Variants in WIPF1 observed in about 807,000 individuals in gnomAD.
WIPF1 encodes the protein WAS/WASL-interacting protein family member 1.
WIPF1 carries 13 observed loss-of-function variants against 35.4 expected under a neutral mutation model. The ratio of observed to expected loss-of-function variants is 0.37; its 90% confidence interval spans 0.24 to 0.58. WIPF1 has a LOEUF of 0.58. Among genes scored for constraint, WIPF1 ranks in the 20% least tolerant of loss-of-function variants. The probability of loss-of-function intolerance (pLI) is 0.74; values close to 1 mark genes in which losing one functional copy is unlikely to be tolerated. For missense variants in WIPF1, 591 were observed against 667.0 expected (o/e 0.89, Z 1.25); for synonymous variants, 267 against 266.3 (o/e 1.00, Z -0.02).
intron 1 of WIPF1, among the ~76,000 whole-genome samples, chr2:174,675,626 T>C (rs886909609): frequency 6.6e-6 from 1 of 152,182 alleles, no homozygotes; most frequent in Admixed American, 6.5e-5. Context: ...AGTGCTGGGA[T>C]TACAGGTGTG....
At chr2:174,609,610 T>C (rs1397279986) in intron 1 of WIPF1, among the ~76,000 whole-genome samples, 4 of 152,260 alleles carry the variant, frequency 2.6e-5, no homozygotes, top group Non-Finnish European at 4.4e-5. Context: ...TTCATTTCTC[T>C]TTTAAATTAA....
Position 174,590,882 on chromosome 2 carries a change from A to G in WIPF1, c.-38-5271T>C, listed in dbSNP as rs1166483082. 6.6e-6 allele frequency among the ~76,000 whole-genome samples: 1 copy of G among 152,258 alleles called. No homozygotes were observed. The highest frequency in any genetic ancestry group is 2.4e-5 in the African/African-American group (1 of 41,476). On this transcript the variant is annotated intron_variant, in intron 1 of 7. Coordinates refer to ENST00000679041, the MANE Select transcript of WIPF1 (RefSeq NM_001375834.1). This position sits in a 1 kb window ranked among gnomAD's most constrained non-coding sequence, Gnocchi z 4.6. ...TGGTGTGTTGACTTCTACAAACACAAAGAAAACTCAAGGGACAGAAAAGGC... is the reference window on the plus strand; with the variant it reads ...TGGTGTGTTGACTTCTACAAACACAGAGAAAACTCAAGGGACAGAAAAGGC...
chr2:174,608,089 G>C lies in WIPF1; in HGVS notation c.-38-22478C>G, dbSNP rs75890984. 3.9e-5 allele frequency among the ~76,000 whole-genome samples: 6 copies of C among 152,296 alleles called. No homozygotes were observed. The East Asian group carries it at 7.7e-4, about 20-fold the overall frequency. ...CCATTTAAAAAGACAATAATGGGGG[G>C]CCCTGCCAACAGATTTAACGACTCT... On this transcript the variant is annotated intron_variant, in intron 1 of 8. Transcript: ENST00000272746.
At chr2:174,564,648 C>G (rs1684588958) in intron 7 of WIPF1, among the ~76,000 whole-genome samples, 1 of 151,870 alleles carries the variant, frequency 6.6e-6, no homozygotes, top group East Asian at 1.9e-4. Context: ...GGAAGATGGT[C>G]TATTACCAAT....
At position 174,571,348 on chromosome 2, in the gene WIPF1, CTA is replaced by C; in HGVS notation, c.1129+326_1129+327del. ...CCAATTAAGACCGCCGAAATTCTCT[CTA>C]GGGAGGCAGGGTAGTGGACTGGCAA... On this transcript the variant is annotated intron_variant, in intron 5 of 7. Coordinates refer to ENST00000679041, the MANE Select transcript of WIPF1 (RefSeq NM_001375834.1). This position sits in a 1 kb window ranked among gnomAD's most constrained non-coding sequence, Gnocchi z 4.6. 1.8e-6 allele frequency: 1 copy of C among 548,266 alleles called. No individual in the cohort carries two copies. Among genetic ancestry groups the C allele is most frequent in the East Asian group, 3.2e-5 (1 of 31,648 alleles). The allele number at this position is 548,266 out of a possible 1,614,324, so 34.0% of individuals were successfully genotyped here.
chr2:174,579,627 G>C (rs1035398456), intron 3 of WIPF1, among the ~76,000 whole-genome samples: 6 of 152,242 alleles, frequency 3.9e-5, no homozygotes, highest in Non-Finnish European at 5.9e-5. Context: ...TCATGGAAGA[G>C]AGAAGGACTA....
intron 1 of WIPF1, among the ~76,000 whole-genome samples, chr2:174,645,752 T>G (rs1047844531): frequency 6.6e-6 from 1 of 152,230 alleles, no homozygotes; most frequent in African/African-American, 2.4e-5. Flanking sequence ...CCCTACCTAG[T>G]GGGGTTATTC....
intron 1 of WIPF1, among the ~76,000 whole-genome samples, chr2:174,609,090 G>A (rs1386399511): frequency 6.6e-6 from 1 of 152,162 alleles, no homozygotes; most frequent in African/African-American, 2.4e-5. Flanking sequence ...CTCTGCAGGT[G>A]GACAGTAAAT....
intron 1 of WIPF1, among the ~76,000 whole-genome samples, chr2:174,645,469 C>T (rs766012884): frequency 5.3e-5 from 8 of 152,156 alleles, no homozygotes; most frequent in Non-Finnish European, 1.0e-4. Flanking sequence ...TTACAATGTA[C>T]GTCAAATGGT....
chr2:174,682,335 A>T (rs1251584873), intron 1 of WIPF1, among the ~76,000 whole-genome samples: 1 of 152,094 alleles, frequency 6.6e-6, no homozygotes, highest in East Asian at 1.9e-4. Flanking sequence ...AGCCGGCCCC[A>T]GGGGATGCCC....
intron 1 of WIPF1, among the ~76,000 whole-genome samples, chr2:174,678,940 G>A (rs764000531): frequency 2.6e-5 from 4 of 152,208 alleles, no homozygotes; most frequent in Admixed American, 6.5e-5. Context: ...AATTTACATC[G>A]AAAGCAGTTC....
chr2:174,605,681 T>C (rs1686138052), intron 1 of WIPF1, among the ~76,000 whole-genome samples: 1 of 152,126 alleles, frequency 6.6e-6, no homozygotes, highest in African/African-American at 2.4e-5. Flanking sequence ...CCTGGGCTTG[T>C]TTCCAAAGTA....
intron 1 of WIPF1, among the ~76,000 whole-genome samples, chr2:174,605,004 T>C (rs142803620): frequency 2.6e-5 from 4 of 152,108 alleles, no homozygotes; most frequent in East Asian, 1.9e-4. Context: ...TGGGGCTGAA[T>C]TGGTAGTATG....
chr2:174,613,631 A>G (rs1398463286), intron 1 of WIPF1, among the ~76,000 whole-genome samples: 1 of 152,178 alleles, frequency 6.6e-6, no homozygotes, highest in Admixed American at 6.5e-5. Flanking sequence ...ACTCAACAAC[A>G]TTAGCTACTA....
At chr2:174,665,238 A>G (rs899073207) in intron 1 of WIPF1, 7 of 152,312 alleles carry the variant, frequency 4.6e-5, no homozygotes, top group African/African-American at 1.7e-4. Flanking sequence ...CTCCTGTTTT[A>G]CTACGAAGCA....
intron 1 of WIPF1, among the ~76,000 whole-genome samples, chr2:174,682,476 C>T (rs1299401583): frequency 2.0e-5 from 3 of 152,118 alleles, no homozygotes; most frequent in Non-Finnish European, 2.9e-5. Flanking sequence ...CGGAGTCCAG[C>T]GGTGAGCTCA....
intron 1 of WIPF1, among the ~76,000 whole-genome samples, chr2:174,674,956 C>T (rs1057373334): frequency 4.8e-5 from 7 of 146,476 alleles, no homozygotes; most frequent in African/African-American, 1.9e-4. Context: ...ACAGATGTTC[C>T]AGGAAGAATG....
chr2:174,590,208 C>A lies in WIPF1; in HGVS notation c.-38-4597G>T, dbSNP rs1685562216. Among the ~76,000 whole-genome samples, 1 of 152,340 alleles carries A rather than the reference C, an allele frequency of 6.6e-6. No individual in the cohort carries two copies. The highest frequency in any genetic ancestry group is 2.1e-4 in the South Asian group (1 of 4,830). On this transcript the variant is annotated intron_variant, in intron 1 of 7. Transcript: ENST00000679041. The surrounding 1 kb of genome is among the most constrained non-coding windows in gnomAD (Gnocchi z 4.6). The stretch of plus-strand genomic sequence containing the variant: ...TGGTTCTGAATCCTTGCTCTGCCAC[C>A]TGGCAGATTCAGATGGGAATTTGTT...
chr2:174,614,222 TA>T (rs1232869914), intron 1 of WIPF1, among the ~76,000 whole-genome samples: 1 of 152,230 alleles, frequency 6.6e-6, no homozygotes, highest in Non-Finnish European at 1.5e-5. Context: ...TGCTAATTAG[TA>T]GTTAAGTTAA....
Sources: allele counts gnomAD v4.1 joint callset (sites outside exome capture counted in the v4.1 genomes callset), GRCh38; gene constraint gnomAD v4.1.1; non-coding constraint Gnocchi (gnomAD v3.1); transcripts MANE v1.5; gene names NCBI Gene and HGNC (gene_info 2026-07-23, HGNC 2026-07-21).